Variants in EXOC6B observed in about 807,000 individuals in gnomAD.
EXOC6B encodes SEC15 homolog B.
Under a neutral mutation model 113.5 loss-of-function variants are expected in EXOC6B, and 54 were observed. The observed-to-expected ratio is 0.48, with a 90% CI of 0.38 to 0.60. EXOC6B has a LOEUF of 0.60. Ranked by LOEUF, EXOC6B falls within the 20% of genes least tolerant of loss-of-function variation. EXOC6B has a pLI of 0.00. For synonymous variants in EXOC6B, 357 were observed against 339.0 expected (o/e 1.05, Z -0.58); for missense variants, 797 against 977.5 (o/e 0.82, Z 2.46).
At chr2:72,371,845 A>G (rs1047225919) in intron 19 of EXOC6B, among the ~76,000 whole-genome samples, 1 of 152,180 alleles carries the variant, frequency 6.6e-6, no homozygotes, top group Non-Finnish European at 1.5e-5. Context: ...TTAAACAAGA[A>G]AAAGAAAAAA....
chr2:72,353,684 C>G (rs1689800987), intron 19 of EXOC6B, among the ~76,000 whole-genome samples: 2 of 151,548 alleles, frequency 1.3e-5, no homozygotes, highest in Non-Finnish European at 2.9e-5. Context: ...GTAATGAAAA[C>G]TTTAAATAAT....
intron 18 of EXOC6B, among the ~76,000 whole-genome samples, chr2:72,405,288 A>G (rs1327151927): frequency 1.3e-5 from 2 of 152,234 alleles, no homozygotes; most frequent in Non-Finnish European, 2.9e-5. Flanking sequence ...GCAGGATATT[A>G]TCCAGGAGAA....
chr2:72,603,705 T>C (rs1670575840), intron 6 of EXOC6B, among the ~76,000 whole-genome samples: 1 of 152,182 alleles, frequency 6.6e-6, no homozygotes, highest in Non-Finnish European at 1.5e-5. Flanking sequence ...ATTTCCTTGC[T>C]TCCCACTGGT....
intron 20 of EXOC6B, among the ~76,000 whole-genome samples, chr2:72,274,471 G>A (rs754527871): frequency 5.9e-5 from 9 of 152,106 alleles, no homozygotes; most frequent in Non-Finnish European, 1.5e-5. Context: ...CTTGAGATAA[G>A]GAGCCTGGGT....
chr2:72,365,161 G>A (rs1191616212), intron 19 of EXOC6B, among the ~76,000 whole-genome samples: 1 of 151,982 alleles, frequency 6.6e-6, no homozygotes, highest in African/African-American at 2.4e-5. Context: ...TTTATGAATG[G>A]TAAGATTAGA....
intron 7 of EXOC6B, among the ~76,000 whole-genome samples, chr2:72,560,979 C>A (rs2028921): frequency 0.01 from 1,544 of 151,994 alleles, 8 homozygotes; most frequent in Non-Finnish European, 0.016. Context: ...CAAATGGACA[C>A]TCATTTTCAT....
At chr2:72,514,606 A>G (rs1487047700) in intron 10 of EXOC6B, 28 bp downstream of exon 10, 1 of 257,190 alleles carries the variant, frequency 3.9e-6, no homozygotes, top group Non-Finnish European at 6.9e-6. Flanking sequence ...AAATAAATAA[A>G]TATATATATA....
chr2:72,744,686 A>G (rs1681579522), intron 1 of EXOC6B, among the ~76,000 whole-genome samples: 1 of 152,146 alleles, frequency 6.6e-6, no homozygotes, highest in Non-Finnish European at 1.5e-5. Context: ...GACTCAATAT[A>G]CTTCTAAGTT....
intron 6 of EXOC6B, among the ~76,000 whole-genome samples, chr2:72,605,309 A>AAT (rs1253225041): frequency 6.6e-6 from 1 of 151,764 alleles, no homozygotes; most frequent in Non-Finnish European, 1.5e-5. Context: ...GAAAAAAAAA[A>AAT]GAAAAAGAAT....
intron 6 of EXOC6B, among the ~76,000 whole-genome samples, chr2:72,619,292 T>A (rs1229423607): frequency 6.6e-6 from 1 of 152,046 alleles, no homozygotes; most frequent in African/African-American, 2.4e-5. Flanking sequence ...CCTTTTTTGA[T>A]TAAAAGAGTC....
At position 72,421,870 on chromosome 2, in the gene EXOC6B, G is replaced by A. The variant is rs376316216; in HGVS notation, c.1981-42000C>T. ...AACCGGGGCTGCGTGCAGCGCTTGC[G>A]GGCCAGCTGGAGTTCCGGGTGGGCA... On this transcript the variant is annotated intron_variant, in intron 18 of 21. Transcript: ENST00000272427. 7.9e-4 allele frequency among the ~76,000 whole-genome samples: 121 copies of A among 152,334 alleles called. 3 individuals carry two copies. The highest frequency in any genetic ancestry group is 2.8e-3 in the African/African-American group (115 of 41,586).
intron 20 of EXOC6B, among the ~76,000 whole-genome samples, chr2:72,306,959 A>C (rs1686899390): frequency 6.6e-6 from 1 of 152,164 alleles, no homozygotes; most frequent in Non-Finnish European, 1.5e-5. Flanking sequence ...ATTTCATCAT[A>C]CCTTTTAGGA....
intron 6 of EXOC6B, among the ~76,000 whole-genome samples, chr2:72,695,142 G>A (rs1230090861): frequency 1.3e-5 from 2 of 152,138 alleles, no homozygotes; most frequent in African/African-American, 4.8e-5. Flanking sequence ...GGTTCAGCTC[G>A]GACATCTGTT....
intron 18 of EXOC6B, among the ~76,000 whole-genome samples, chr2:72,427,660 GTGAGCAGCC>G (rs924812861): frequency 6.6e-6 from 1 of 152,184 alleles, no homozygotes; most frequent in African/African-American, 2.4e-5. Flanking sequence ...GACCCTTGGC[GTGAGCAGCC>G]TGAGCAGCCT....
intron 20 of EXOC6B, among the ~76,000 whole-genome samples, chr2:72,264,190 A>G (rs1189340887): frequency 1.3e-5 from 2 of 152,224 alleles, no homozygotes; most frequent in Non-Finnish European, 2.9e-5. Flanking sequence ...GAATGAGAAC[A>G]ATGTTAAAGA....
intron 6 of EXOC6B, among the ~76,000 whole-genome samples, chr2:72,657,809 T>G (rs1485916068): frequency 6.6e-6 from 1 of 151,488 alleles, no homozygotes; most frequent in Non-Finnish European, 1.5e-5. Context: ...GCTATTATTA[T>G]GTCTGAAATG....
chr2:72,421,008 T>C (rs1192466706), intron 18 of EXOC6B, among the ~76,000 whole-genome samples: 6 of 152,196 alleles, frequency 3.9e-5, no homozygotes, highest in Non-Finnish European at 8.8e-5. Context: ...CTTTTTTTCA[T>C]ATGTTTGTTG....
chr2:72,287,893 C>T (rs1053411602), intron 20 of EXOC6B, among the ~76,000 whole-genome samples: 46 of 152,076 alleles, frequency 3.0e-4, no homozygotes, highest in African/African-American at 7.7e-4. Context: ...GCCAATCTTA[C>T]GTAAATTCTT....
At chr2:72,224,504 A>G (rs1681076153) in intron 20 of EXOC6B, among the ~76,000 whole-genome samples, 1 of 152,200 alleles carries the variant, frequency 6.6e-6, no homozygotes, top group Non-Finnish European at 1.5e-5. Flanking sequence ...CACTAAATAA[A>G]TGGATTTCAA....
Sources: gnomAD v4.1 joint callset for allele counts (sites outside exome capture counted in the v4.1 genomes callset) on GRCh38, gnomAD v4.1.1 for gene constraint, MANE v1.5 for transcripts, NCBI Gene and HGNC (gene_info 2026-07-23, HGNC 2026-07-21) for gene names.